Variants in IFRD1 observed in about 807,000 individuals in gnomAD.
The protein encoded by IFRD1 is interferon related developmental regulator 1.
A neutral mutation model predicts 52.9 loss-of-function variants in IFRD1; 35 were observed. That is an observed-to-expected ratio of 0.66 (90% CI 0.51 to 0.88). The LOEUF (loss-of-function observed/expected upper bound fraction) is 0.88, where lower values mean the gene tolerates loss of function less well. Ranked by LOEUF, IFRD1 falls within the 40% of genes least tolerant of loss-of-function variation. The pLI, the probability that IFRD1 is intolerant of heterozygous loss-of-function variation, is 0.00. For missense variants in IFRD1, 517 were observed against 550.8 expected (o/e 0.94, Z 0.61); for synonymous variants, 184 against 188.4 (o/e 0.98, Z 0.19).
intron 9 of IFRD1, among the ~76,000 whole-genome samples, chr7:112,469,590 G>A (rs1795696602): frequency 1.3e-5 from 2 of 151,886 alleles, no homozygotes; most frequent in African/African-American, 2.4e-5. Context: ...CCAAAGATAT[G>A]ATGACATGTC....
intron 1 of IFRD1, among the ~76,000 whole-genome samples, chr7:112,428,501 C>T (rs1794476857): frequency 6.7e-6 from 1 of 150,108 alleles, no homozygotes; most frequent in African/African-American, 2.5e-5. Flanking sequence ...TTGAGAAATA[C>T]TTAGGAAATT....
chr7:112,452,371 G>A, intron 1 of IFRD1: 1 of 605,120 alleles, frequency 1.7e-6, no homozygotes, highest in Non-Finnish European at 2.1e-6. Context: ...TGGCCAGGCT[G>A]GTCACGAGTC....
intron 9 of IFRD1, among the ~76,000 whole-genome samples, chr7:112,471,880 C>T (rs1032224712): frequency 2.6e-5 from 4 of 152,094 alleles, no homozygotes; most frequent in African/African-American, 9.7e-5. Context: ...TGTTCTGCAA[C>T]TTTCTTCCCT....
intron 11 of IFRD1, among the ~76,000 whole-genome samples, chr7:112,474,907 G>A (rs114221466): frequency 0.014 from 2,143 of 151,844 alleles, 59 homozygotes; most frequent in African/African-American, 0.048. Flanking sequence ...CTTTCTTGGC[G>A]TTTTACAATT....
At chr7:112,464,008 A>G (rs1040168635) in intron 8 of IFRD1, among the ~76,000 whole-genome samples, 2 of 150,820 alleles carry the variant, frequency 1.3e-5, no homozygotes, top group African/African-American at 4.9e-5. Flanking sequence ...GAACTGGGTT[A>G]CAAAACAGAA....
intron 1 of IFRD1, among the ~76,000 whole-genome samples, chr7:112,439,819 C>T (rs560167965): frequency 9.9e-5 from 15 of 152,204 alleles, no homozygotes; most frequent in Admixed American, 3.3e-4. Context: ...AAAGAGGAAT[C>T]GATTATGACC....
chr7:112,461,164 GATTA>G (rs34645422), intron 5 of IFRD1, among the ~76,000 whole-genome samples: 28,210 of 151,816 alleles, frequency 0.19, 3,505 homozygotes, highest in East Asian at 0.65. Flanking sequence ...GAGTTAATGG[GATTA>G]ATTAATTAAT....
In IFRD1 at chr7:112,475,540, A is replaced by G. The variant is rs774979782; in HGVS notation, c.*21A>G. 3 of 1,395,026 alleles carry G rather than the reference A, an allele frequency of 2.2e-6. No individual in the cohort carries two copies. The highest frequency in any genetic ancestry group is 3.0e-6 in the Non-Finnish European group (3 of 985,102). The allele number at this position is 1,395,026 out of a possible 1,614,324, so 86.4% of individuals were successfully genotyped here. A position where few individuals can be genotyped will look rare whatever the true frequency, so the allele number is the denominator to read the frequency against. ...TCTAGATTTTCAGAACTTGAAGACT[A>G]TTTTCTAATTTCTATTTTTTTTTCT... On this transcript the variant is annotated 3_prime_UTR_variant, in exon 12 of 12. Coordinates refer to ENST00000403825, the MANE Select transcript of IFRD1 (RefSeq NM_001550.4).
chr7:112,455,810 A>T lies in IFRD1; in HGVS notation c.142A>T (p.Ile48Phe). 2 of 1,613,630 alleles carry T rather than the reference A, an allele frequency of 1.2e-6. No individual in the cohort carries two copies. The highest frequency in any genetic ancestry group is 1.7e-4 in the Middle Eastern group (1 of 6,058). ...GCCTTTTAGTGATGAAGATGCATCA[A>T]TTGAAACAATGAGCCATTGCAGTGG... is the stretch of plus-strand genomic sequence containing the variant. ...VQPFSDEDAS[I>F]ETMSHCSGYS... Residue 48 changes from isoleucine to phenylalanine, a missense_variant, in exon 2 of 12, where the codon ATT (isoleucine) becomes TTT (phenylalanine). By Grantham distance (21) the Ile-to-Phe change is conservative (BLOSUM62 0). Transcript: ENST00000403825.
At chr7:112,447,359 A>G (rs1287546033), upstream of IFRD1, among the ~76,000 whole-genome samples, 1 of 152,198 alleles carries the variant, frequency 6.6e-6, no homozygotes, top group East Asian at 1.9e-4. Context: ...CAAATATGTG[A>G]TATTTATTTA....
At chr7:112,429,825 A>C (rs1283536021) in intron 1 of IFRD1, among the ~76,000 whole-genome samples, 1 of 152,222 alleles carries the variant, frequency 6.6e-6, no homozygotes, top group Non-Finnish European at 1.5e-5. Context: ...CAGCTTGGTT[A>C]AGTTTTCTAT....
intron 9 of IFRD1, among the ~76,000 whole-genome samples, chr7:112,468,972 T>C (rs2117328188): frequency 6.6e-6 from 1 of 152,362 alleles, no homozygotes; most frequent in Middle Eastern, 3.4e-3. Context: ...TAAAATGAAC[T>C]ATAGGACAAA....
chr7:112,475,118 C>T (rs1236798504), intron 11 of IFRD1, among the ~76,000 whole-genome samples: 1 of 152,126 alleles, frequency 6.6e-6, no homozygotes, highest in East Asian at 1.9e-4. Context: ...GCCACCATGC[C>T]TGGCTAATTT....
intron 1 of IFRD1, 165 bp downstream of exon 1, chr7:112,450,947 C>T: frequency 1.5e-6 from 1 of 663,448 alleles, no homozygotes; most frequent in Admixed American, 2.3e-5. Flanking sequence ...GCCCTGGGCG[C>T]TGCTCCTCGC....
At chr7:112,460,918 T>C (rs1050445978) in intron 5 of IFRD1, among the ~76,000 whole-genome samples, 2 of 152,198 alleles carry the variant, frequency 1.3e-5, no homozygotes, top group Non-Finnish European at 2.9e-5. Context: ...TTACAAATTC[T>C]ATTTTTATAT....
Position 112,468,059 on chromosome 7 carries a change from A to G in IFRD1, c.985A>G (p.Lys329Glu), listed in dbSNP as rs745545141. 1.9e-5 allele frequency: 31 copies of G among 1,613,996 alleles called. No homozygotes were observed. The highest frequency in any genetic ancestry group is 2.5e-5 in the Non-Finnish European group (30 of 1,179,988). Reference protein sequence around the residue: ...LATDGNKHRAKVDKRKQRSVF... With the variant: ...LATDGNKHRAEVDKRKQRSVF... ...AACAGATGGAAATAAACACCGGGCC[A>G]AAGTGGACAAGAGAAAGCAGCGGTC... Residue 329 changes from lysine (K) to glutamate (E), a missense_variant, in exon 9 of 12, where the codon AAA becomes GAA. Coordinates refer to ENST00000403825, the MANE Select transcript of IFRD1 (RefSeq NM_001550.4).
chr7:112,436,444 G>A (rs1794693953), intron 1 of IFRD1, among the ~76,000 whole-genome samples: 1 of 152,124 alleles, frequency 6.6e-6, no homozygotes, highest in Non-Finnish European at 1.5e-5. Context: ...ATGATTAAAT[G>A]GGTGGCAGTT....
chr7:112,441,283 C>A (rs1584475346), intron 1 of IFRD1, among the ~76,000 whole-genome samples: 2 of 151,540 alleles, frequency 1.3e-5, no homozygotes, highest in Non-Finnish European at 2.9e-5. Context: ...TTAAAAAAAA[C>A]AAAAACAAAA....
intron 8 of IFRD1, 30 bp from the exon 9 acceptor site, chr7:112,467,951 A>C (rs201457613): frequency 6.2e-7 from 1 of 1,608,230 alleles, no homozygotes; most frequent in African/African-American, 1.3e-5. Context: ...AAATAATAAT[A>C]AAGGAAACAA....
Sources: gnomAD v4.1 joint callset for allele counts (sites outside exome capture counted in the v4.1 genomes callset) on GRCh38, gnomAD v4.1.1 for gene constraint, MANE v1.5 for transcripts, NCBI Gene and HGNC (gene_info 2026-07-23, HGNC 2026-07-21) for gene names.